UBAP2: variants seen among roughly 807,000 people sequenced by gnomAD.
UBAP2 encodes the protein ubiquitin-associated protein 2.
A neutral mutation model predicts 139.6 loss-of-function variants in UBAP2; 75 were observed. The ratio of observed to expected loss-of-function variants is 0.54; its 90% confidence interval spans 0.45 to 0.65. The LOEUF is 0.65. UBAP2 is among the 30% of genes least tolerant of loss of function. UBAP2 has a pLI of 0.00. For synonymous variants in UBAP2, 526 were observed against 526.2 expected (o/e 1.00, Z 0.01); for missense variants, 1,368 against 1,369.6 (o/e 1.00, Z 0.02).
chr9:33,973,376 C>CAATT, intron 6 of UBAP2, 139 bp from the exon 7 acceptor site: 1 of 874,652 alleles, frequency 1.1e-6, no homozygotes, highest in Non-Finnish European at 1.8e-6. Flanking sequence ...CCAGGGCACC[C>CAATT]AATTAACTGA....
intron 1 of UBAP2, among the ~76,000 whole-genome samples, chr9:34,030,379 G>A (rs1273164680): frequency 2.0e-5 from 3 of 151,896 alleles, no homozygotes; most frequent in African/African-American, 7.3e-5. Flanking sequence ...AACCCGGAAG[G>A]CGGAGGTTGC....
At chr9:33,977,647 T>C (rs1820269830) in intron 6 of UBAP2, among the ~76,000 whole-genome samples, 1 of 151,752 alleles carries the variant, frequency 6.6e-6, no homozygotes, top group Non-Finnish European at 1.5e-5. Context: ...ACTACATCTC[T>C]GTTGAATGAT....
chr9:33,974,969 C>G (rs191936991), intron 6 of UBAP2, among the ~76,000 whole-genome samples: 2 of 151,546 alleles, frequency 1.3e-5, no homozygotes, highest in African/African-American at 4.8e-5. Flanking sequence ...GGGCAATGGA[C>G]TTGAATATGG....
At chr9:33,958,498 C>A (rs1448207228) in intron 10 of UBAP2, among the ~76,000 whole-genome samples, 3 of 151,646 alleles carry the variant, frequency 2.0e-5, no homozygotes, top group African/African-American at 7.3e-5. Context: ...GCAAGTGCCT[C>A]CCGGGTTCAA....
At position 33,940,179 on chromosome 9, in the gene UBAP2, G is replaced by T. The variant is rs547177488; in HGVS notation, c.1929+1470C>A. Among the ~76,000 whole-genome samples the T allele has an allele frequency of 4.9e-4, 74 of 152,182 alleles. 1 individual carries two copies. The highest frequency in any genetic ancestry group is 7.4e-5 in the Non-Finnish European group (5 of 68,002). On this transcript the variant is annotated intron_variant, in intron 16 of 28. Coordinates refer to ENST00000379238, the MANE Select transcript of UBAP2 (RefSeq NM_001370062.2). ...ATGCATGCAGGCAGATTTAATATGG[G>T]AACCACCACAGTGTCGTTTCTTTGG...
intron 1 of UBAP2, among the ~76,000 whole-genome samples, chr9:34,023,310 G>T (rs1037564055): frequency 5.3e-5 from 8 of 151,822 alleles, no homozygotes; most frequent in Admixed American, 5.3e-4. Context: ...ATAAAAATCT[G>T]CATGTACAGA....
In UBAP2 at chr9:33,944,387, C is replaced by T. The variant is rs769159445; in HGVS notation, c.1523G>A (p.Arg508Gln). ...PQPKHIKLAK[R>Q]RIPPASKIPA... is the part of the protein sequence containing the mutation. ...CACCTTAGAAGCTGGGGGTATCCGCCGCTTAGCAAGTTTGATGTGTTTGGG... is the reference window on the plus strand; with the variant it reads ...CACCTTAGAAGCTGGGGGTATCCGCTGCTTAGCAAGTTTGATGTGTTTGGG... Residue 508 changes from arginine to glutamine, a missense_variant, in exon 14 of 29, where the codon CGG (arginine) becomes CAG (glutamine). Physicochemically the swap from Arg to Gln is conservative, Grantham distance 43. Transcript: ENST00000379238. 1.9e-6 allele frequency: 3 copies of T among 1,613,068 alleles called. No homozygotes were observed. Among genetic ancestry groups the T allele is most frequent in the East Asian group, 2.2e-5 (1 of 44,874 alleles).
chr9:33,924,392 T>A (rs1045080378), intron 22 of UBAP2, 108 bp from the exon 23 acceptor site: 6 of 1,091,870 alleles, frequency 5.5e-6, no homozygotes, highest in African/African-American at 4.7e-5. Context: ...ACAGACTCCA[T>A]GCCTGAGAGC....
At chr9:33,924,710 A>G (rs1327511021) in intron 22 of UBAP2, among the ~76,000 whole-genome samples, 2 of 152,158 alleles carry the variant, frequency 1.3e-5, no homozygotes, top group African/African-American at 2.4e-5. Context: ...AAGGGGGGAC[A>G]GGGGGCAGTG....
At position 33,923,230 on chromosome 9, in the gene UBAP2, G is replaced by T; in HGVS notation, c.2960C>A (p.Ser987Ter). 6.2e-7 allele frequency: 1 copy of T among 1,614,218 alleles called. No individual in the cohort carries two copies. The highest frequency in any genetic ancestry group is 8.5e-7 in the Non-Finnish European group (1 of 1,180,040). ...GDYSKGGYAGSSQAPNKSAGS... is the reference protein window; with the variant it reads ...GDYSKGGYAG Reference sequence around the variant, plus strand: ...TGCAGACTTGTTTGGTGCCTGCGATGATCCAGCATAGCCACCTTTGGAGTA... The same window carrying T: ...TGCAGACTTGTTTGGTGCCTGCGATTATCCAGCATAGCCACCTTTGGAGTA... The change falls in exon 26 of 29, where the codon TCA (serine) becomes TAA (stop). Residue 987 changes from serine to a stop codon, truncating the protein, a stop_gained. Coordinates refer to ENST00000379238, the MANE Select transcript of UBAP2 (RefSeq NM_001370062.2). LOFTEE classifies it high-confidence loss of function.
chr9:33,937,599 CAAAAAAAAAAAA>C (rs1185167927), intron 16 of UBAP2, among the ~76,000 whole-genome samples: 4 of 85,512 alleles, frequency 4.7e-5, no homozygotes, highest in Non-Finnish European at 6.6e-5. Flanking sequence ...GACTCTGTCT[CAAAAAAAAAAAA>C]AAAAAAAAAA....
Position 33,977,042 on chromosome 9 carries a change from A to T in UBAP2, c.521-3805T>A, listed in dbSNP as rs1278898373. ...AAACAAAAACAGTTGTTTTTTATTTATTTTTTTTTTTTTTGAGACAGAGTC... is the reference window on the plus strand; with the variant it reads ...AAACAAAAACAGTTGTTTTTTATTTTTTTTTTTTTTTTTTGAGACAGAGTC... On this transcript the variant is annotated intron_variant, in intron 6 of 28. Coordinates refer to ENST00000379238, the MANE Select transcript of UBAP2 (RefSeq NM_001370062.2). Among the ~76,000 whole-genome samples the T allele has an allele frequency of 7.2e-4, 91 of 127,150 alleles. No individual in the cohort carries two copies. The South Asian group carries it at 0.01, about 14-fold the overall frequency. 83.4% of individuals were successfully genotyped at this position (127,150 alleles called of 152,430 possible).
chr9:33,970,540 CCCA>C (rs1291317908), intron 8 of UBAP2, among the ~76,000 whole-genome samples: 4 of 151,632 alleles, frequency 2.6e-5, no homozygotes, highest in Non-Finnish European at 5.9e-5. Context: ...AGTGACACTC[CCCA>C]CTTCAGCCTC....
At chr9:33,963,154 C>T (rs1040409618) in intron 9 of UBAP2, among the ~76,000 whole-genome samples, 3 of 152,002 alleles carry the variant, frequency 2.0e-5, no homozygotes, top group Non-Finnish European at 2.9e-5. Flanking sequence ...GGAAAAACAG[C>T]GAAACAGATA....
Position 33,927,903 on chromosome 9 carries a change from G to A in UBAP2, c.2265C>T (p.Gly755=), listed in dbSNP as rs776461571. The change falls in exon 20 of 29, where the codon GGC becomes GGT. Residue 755 remains glycine, a synonymous_variant. Coordinates refer to ENST00000379238, the MANE Select transcript of UBAP2 (RefSeq NM_001370062.2). ...TGTTCATGCTACTGGACAGGCTGGC[G>A]CCTGAGGATGCGGAACTTGAGACGG... The part of the protein sequence containing the change: ...ATSVSSSASS[G]ASLSSSMNTA... The A allele has an allele frequency of 3.0e-5, 49 of 1,614,110 alleles. No homozygotes were observed. In the Middle Eastern group the frequency reaches 9.9e-4, roughly 32 times the overall value.
At chr9:34,037,655 T>A (rs889366353) in intron 1 of UBAP2, among the ~76,000 whole-genome samples, 2 of 152,154 alleles carry the variant, frequency 1.3e-5, no homozygotes, top group Non-Finnish European at 2.9e-5. Flanking sequence ...ACAGCAGTAG[T>A]TATTTCTTGC....
At chr9:33,971,464 C>G (rs548863613) in intron 8 of UBAP2, among the ~76,000 whole-genome samples, 187 bp downstream of exon 8, 72 of 152,312 alleles carry the variant, frequency 4.7e-4, no homozygotes, top group African/African-American at 1.7e-3. Context: ...TCCTTGTCAT[C>G]ATGAGATTTG....
chr9:34,035,532 T>TA (rs1466687163), intron 1 of UBAP2, among the ~76,000 whole-genome samples: 2 of 104,142 alleles, frequency 1.9e-5, no homozygotes, highest in East Asian at 4.0e-4. Context: ...TATATAAAGA[T>TA]TAGCCAGGTT....
intron 1 of UBAP2, among the ~76,000 whole-genome samples, chr9:34,043,105 C>T (rs1163115718): frequency 6.6e-6 from 1 of 152,114 alleles, no homozygotes; most frequent in Non-Finnish European, 1.5e-5. Context: ...TACCCCCAAC[C>T]ACCTTCTACG....
Sources: allele counts gnomAD v4.1 joint callset (sites outside exome capture counted in the v4.1 genomes callset), GRCh38; gene constraint gnomAD v4.1.1; transcripts MANE v1.5; gene names NCBI Gene and HGNC (gene_info 2026-07-23, HGNC 2026-07-21).